GIGYF2: variants seen among roughly 807,000 people sequenced by gnomAD.
GIGYF2 encodes the protein GRB10 interacting GYF protein 2.
In GIGYF2, 25 loss-of-function variants were observed where a neutral mutation model predicts 208.1. The observed-to-expected ratio is 0.12, with a 90% CI of 0.09 to 0.17. The LOEUF (loss-of-function observed/expected upper bound fraction) is 0.17, where lower values mean the gene tolerates loss of function less well. GIGYF2 is among the 10% of genes least tolerant of loss of function. The probability of loss-of-function intolerance (pLI) is 1.00; values close to 1 mark genes in which losing one functional copy is unlikely to be tolerated. For missense variants in GIGYF2, 1,302 were observed against 1,579.4 expected (o/e 0.82, Z 2.98); for synonymous variants, 534 against 543.8 (o/e 0.98, Z 0.25).
Position 232,742,606 on chromosome 2 carries a change from A to C in GIGYF2, c.42-5009A>C, listed in dbSNP as rs79350818. On this transcript the variant is annotated intron_variant, in intron 3 of 28. Transcript: ENST00000373563. ...GTAACGTAGGAGATTAAGACTAGTAAAATCGTTCAGGATGCATTTGCAGCA... is the reference window on the plus strand; with the variant it reads ...GTAACGTAGGAGATTAAGACTAGTACAATCGTTCAGGATGCATTTGCAGCA... Among the ~76,000 whole-genome samples the C allele has an allele frequency of 5.1e-3, 780 of 152,310 alleles. 4 individuals are homozygous for C. Among genetic ancestry groups the C allele is most frequent in the African/African-American group, 0.018 (755 of 41,562 alleles).
chr2:232,783,007 T>A (rs977904524), intron 8 of GIGYF2, among the ~76,000 whole-genome samples: 2 of 152,254 alleles, frequency 1.3e-5, no homozygotes, highest in Non-Finnish European at 2.9e-5. Flanking sequence ...AAAAAATGTT[T>A]TCTTAAAGAG....
At chr2:232,757,509 A>G (rs892311890) in intron 6 of GIGYF2, among the ~76,000 whole-genome samples, 2 of 152,060 alleles carry the variant, frequency 1.3e-5, no homozygotes, top group Admixed American at 6.5e-5. Flanking sequence ...GTTAGGTTCC[A>G]TTGGTCCAGA....
chr2:232,836,077 C>T (rs981096197), intron 22 of GIGYF2, among the ~76,000 whole-genome samples: 5 of 150,746 alleles, frequency 3.3e-5, no homozygotes, highest in East Asian at 2.0e-4. Flanking sequence ...CCTGGGTAAA[C>T]GCTGCAGCTG....
intron 1 of GIGYF2, among the ~76,000 whole-genome samples, chr2:232,702,843 G>C (rs1299604552): frequency 6.6e-6 from 1 of 152,212 alleles, no homozygotes; most frequent in Non-Finnish European, 1.5e-5. Flanking sequence ...CACCCAGGCT[G>C]GAGTGCAGTG....
chr2:232,752,115 T>G lies in GIGYF2; in HGVS notation c.267+3033T>G, dbSNP rs1698356583. 1.3e-5 allele frequency among the ~76,000 whole-genome samples: 2 copies of G among 152,214 alleles called. 1 individual carries two copies. Among genetic ancestry groups the G allele is most frequent in the Non-Finnish European group, 2.9e-5 (2 of 68,036 alleles). On this transcript the variant is annotated intron_variant, in intron 5 of 28. Coordinates refer to ENST00000373563, the MANE Select transcript of GIGYF2 (RefSeq NM_001103146.3). The stretch of plus-strand genomic sequence containing the variant: ...TTTTGAAGGCATTTAAAATGCACCA[T>G]TTGGGATTTCCTGATGCATATTTGG...
intron 2 of GIGYF2, among the ~76,000 whole-genome samples, chr2:232,718,314 G>A (rs1287204518): frequency 6.6e-6 from 1 of 152,110 alleles, no homozygotes; most frequent in African/African-American, 2.4e-5. Flanking sequence ...GGTCAGGCTG[G>A]TCTCGAACTC....
rs150502051 is a variant in GIGYF2 at position 232,816,792 on chromosome 2, C to T, written c.2209-79C>T. On this transcript the variant is annotated intron_variant, in intron 19 of 28. Transcript: ENST00000373563. ...CGGTACAAGCAGCTGATTGAATGAA[C>T]GAATACTACTGGTCAGTGCTTTCGG... The T allele has an allele frequency of 7.6e-5, 82 of 1,073,010 alleles. No homozygotes were observed. In the African/African-American group the frequency reaches 8.6e-4, roughly 11 times the overall value. 66.5% of individuals were successfully genotyped at this position (1,073,010 alleles called of 1,614,324 possible).
intron 2 of GIGYF2, among the ~76,000 whole-genome samples, chr2:232,732,953 G>A (rs72617180): frequency 0.033 from 4,979 of 151,844 alleles, 232 homozygotes; most frequent in East Asian, 0.23. Context: ...TGAATCACTA[G>A]TTGTTTTAAG....
chr2:232,697,926 G>A (rs1243491791), intron 1 of GIGYF2, among the ~76,000 whole-genome samples: 3 of 152,242 alleles, frequency 2.0e-5, no homozygotes, highest in Non-Finnish European at 2.9e-5. Flanking sequence ...TCTGGACGGA[G>A]GAGACTCCTT....
rs1456599403 is a variant in GIGYF2, at chr2:232,791,028, T to G, written c.951T>G (p.Ile317Met). 6.2e-7 allele frequency: 1 copy of G among 1,614,008 alleles called. No homozygotes were observed. The highest frequency in any genetic ancestry group is 8.5e-7 in the Non-Finnish European group (1 of 1,179,968). ...LSLKKVQKEP[I>M]PEEQEMDFRP... is the part of the protein sequence containing the mutation. ...TACAGAAAGTACAGAAAGAGCCTAT[T>G]CCAGAAGAGCAGGAGATGGACTTCC... Residue 317 changes from isoleucine (I) to methionine (M), a missense_variant, in exon 11 of 29, where the codon ATT (isoleucine) becomes ATG (methionine). By Grantham distance (10) the Ile-to-Met change is conservative. Transcript: ENST00000373563.
At chr2:232,738,481 ATGT>A (rs1697833587) in intron 3 of GIGYF2, among the ~76,000 whole-genome samples, 1 of 151,874 alleles carries the variant, frequency 6.6e-6, no homozygotes, top group Non-Finnish European at 1.5e-5. Flanking sequence ...ATTTTTCTTC[ATGT>A]TGTGTATCAA....
intron 2 of GIGYF2, among the ~76,000 whole-genome samples, chr2:232,728,433 G>A (rs1697307007): frequency 6.6e-6 from 1 of 152,162 alleles, no homozygotes; most frequent in African/African-American, 2.4e-5. Context: ...GGACTATAAT[G>A]AAAGAGGAAT....
intron 15 of GIGYF2, among the ~76,000 whole-genome samples, chr2:232,808,519 A>C (rs538485819): frequency 2.7e-4 from 41 of 151,744 alleles, no homozygotes; most frequent in African/African-American, 9.2e-4. Flanking sequence ...CTTGAAACTT[A>C]GTTTTTCATG....
intron 6 of GIGYF2, among the ~76,000 whole-genome samples, chr2:232,756,581 A>T (rs13430365): frequency 6.6e-6 from 1 of 152,120 alleles, no homozygotes; most frequent in Non-Finnish European, 1.5e-5. Flanking sequence ...GACAGTCCCA[A>T]TTCACTCCAA....
chr2:232,829,245 C>G (rs940834696), intron 21 of GIGYF2, among the ~76,000 whole-genome samples: 3 of 151,974 alleles, frequency 2.0e-5, no homozygotes, highest in Non-Finnish European at 4.4e-5. Flanking sequence ...TTTATTGTTA[C>G]GAAATGTTCC....
chr2:232,698,573 C>T (rs1201200915), intron 1 of GIGYF2, among the ~76,000 whole-genome samples: 1 of 152,118 alleles, frequency 6.6e-6, no homozygotes, highest in Non-Finnish European at 1.5e-5. Context: ...TCCATTTTGC[C>T]TAGAACACAA....
Position 232,819,909 on chromosome 2 carries a change from A to C in GIGYF2, c.2453A>C (p.Glu818Ala), listed in dbSNP as rs1266908311. 8 of 1,578,710 alleles carry C rather than the reference A, an allele frequency of 5.1e-6. No individual in the cohort carries two copies. Among genetic ancestry groups the C allele is most frequent in the Non-Finnish European group, 7.0e-6 (8 of 1,148,572 alleles). The change falls in exon 21 of 29, where the codon GAA (glutamate) becomes GCA (alanine). Residue 818 changes from glutamate to alanine, a missense_variant. This residue lies in a region of GIGYF2 where 701 missense variants were observed against 793.0 expected (regional missense o/e 0.88). Coordinates refer to ENST00000373563, the MANE Select transcript of GIGYF2 (RefSeq NM_001103146.3). ...GAGGAAGAAAGACAGCAGCAAGAAGAAGCTCTTAGAAGACTGGAAGAGAGG... is the reference window on the plus strand; with the variant it reads ...GAGGAAGAAAGACAGCAGCAAGAAGCAGCTCTTAGAAGACTGGAAGAGAGG... ...REEEERQQQE[E>A]ALRRLEERRR...
At chr2:232,764,531 T>G (rs1361425966) in intron 8 of GIGYF2, 2 of 152,366 alleles carry the variant, frequency 1.3e-5, no homozygotes, top group Non-Finnish European at 1.5e-5. Context: ...GAGACAAGAT[T>G]GTGGACAGGG....
intron 26 of GIGYF2, 30 bp downstream of exon 26, chr2:232,845,916 T>C: frequency 6.9e-7 from 1 of 1,443,544 alleles, no homozygotes. Context: ...ACCCGGCATG[T>C]GGAATGACAG....
Sources: gnomAD v4.1 joint callset for allele counts (sites outside exome capture counted in the v4.1 genomes callset) on GRCh38, gnomAD v4.1.1 for gene constraint, gnomAD v4.1.1 regional missense constraint, MANE v1.5 for transcripts, NCBI Gene and HGNC (gene_info 2026-07-23, HGNC 2026-07-21) for gene names.